Variants in CAMKV observed in about 807,000 individuals in gnomAD.
CAMKV encodes caM kinase-like vesicle-associated protein.
Under a neutral mutation model 50.2 loss-of-function variants are expected in CAMKV, and 5 were observed. The observed-to-expected ratio is 0.10, with a 90% CI of 0.05 to 0.21. The LOEUF (loss-of-function observed/expected upper bound fraction) is 0.21. Ranked by LOEUF, CAMKV falls within the 10% of genes least tolerant of loss-of-function variation. CAMKV has a pLI of 1.00. For missense variants in CAMKV, 361 were observed against 650.5 expected, an observed-to-expected ratio of 0.55 and a Z score of 4.84; for synonymous variants, 229 against 250.1, an observed-to-expected ratio of 0.92 and a Z score of 0.80.
At chr3:49,865,267 C>T (rs1027776170) in intron 1 of CAMKV, among the ~76,000 whole-genome samples, 2 of 152,152 alleles carry the variant, frequency 1.3e-5, no homozygotes, top group Admixed American at 6.5e-5. Context: ...TAGCCAGTTA[C>T]CATTGCCGGC....
chr3:49,865,173 G>A (rs1439075132), intron 1 of CAMKV, among the ~76,000 whole-genome samples: 1 of 152,246 alleles, frequency 6.6e-6, no homozygotes, highest in Non-Finnish European at 1.5e-5. Context: ...CTGCATGTCT[G>A]CCACCATGGG....
In CAMKV at chr3:49,861,823, C is replaced by A; in HGVS notation, c.270G>T (p.Val90=). The stretch of plus-strand genomic sequence containing the variant: ...GGAAGATAAAGTACTCCTTGCGGGT[C>A]ACAAACACATCCACCAGCTGTAGGA... ...PNILQLVDVF[V]TRKEYFIFLE... The change falls in exon 4 of 11, where the codon GTG becomes GTT. Residue 90 remains valine, a synonymous_variant. Coordinates refer to ENST00000477224, the MANE Select transcript of CAMKV (RefSeq NM_024046.5). The surrounding 1 kb of genome is among the most constrained non-coding windows in gnomAD (Gnocchi z 7.7). The A allele has an allele frequency of 6.2e-7, 1 of 1,613,906 alleles. No individual in the cohort carries two copies. The highest frequency in any genetic ancestry group is 1.1e-5 in the South Asian group (1 of 91,060).
In CAMKV at chr3:49,862,225, C is replaced by T. The variant is rs776964553; in HGVS notation, c.96-49G>A. On this transcript the variant is annotated intron_variant, in intron 2 of 10. Transcript: ENST00000477224. The surrounding 1 kb of genome is among the most constrained non-coding windows in gnomAD (Gnocchi z 5.2). ...AGGCCTGGCCTTAGCATCAGCTGCACTCCACTGCCACTTCCCTAGCCCCTG... is the reference window on the plus strand; with the variant it reads ...AGGCCTGGCCTTAGCATCAGCTGCATTCCACTGCCACTTCCCTAGCCCCTG... The T allele has an allele frequency of 1.2e-6, 2 of 1,614,022 alleles. No homozygotes were observed. Among genetic ancestry groups the T allele is most frequent in the Admixed American group, 3.3e-5 (2 of 60,002 alleles).
chr3:49,867,613 G>A (rs994023295), intron 1 of CAMKV, among the ~76,000 whole-genome samples: 1 of 152,192 alleles, frequency 6.6e-6, no homozygotes, highest in Non-Finnish European at 1.5e-5. Context: ...TTTAAAACAA[G>A]GGGAGGGGGA....
At position 49,861,427 on chromosome 3, in the gene CAMKV, C is replaced by G. The variant is rs1188424295; in HGVS notation, c.441+12G>C. 1 of 1,613,990 alleles carries G rather than the reference C, an allele frequency of 6.2e-7. No homozygotes were observed. Among genetic ancestry groups the G allele is most frequent in the Non-Finnish European group, 8.5e-7 (1 of 1,180,042 alleles). On this transcript the variant is annotated intron_variant, in intron 5 of 10. Transcript: ENST00000477224. The surrounding 1 kb of genome is among the most constrained non-coding windows in gnomAD (Gnocchi z 7.7). Reference sequence around the variant, plus strand: ...CTGCCAACTGGCCCTTTGACTCTGGCTCTGCCCTCACCTTGAGATTCCTGT... The same window carrying G: ...CTGCCAACTGGCCCTTTGACTCTGGGTCTGCCCTCACCTTGAGATTCCTGT...
At position 49,859,331 on chromosome 3, in the gene CAMKV, T is replaced by A. The variant is rs757078390; in HGVS notation, c.1493A>T (p.Glu498Val). Residue 498 changes from glutamate (E) to valine (V), a missense_variant, in exon 11 of 11, where the codon GAG becomes GTG. Coordinates refer to ENST00000477224, the MANE Select transcript of CAMKV (RefSeq NM_024046.5). This position sits in a 1 kb window ranked among gnomAD's most constrained non-coding sequence, Gnocchi z 5.5. ...CAGGCTGCCTACTCAGCTGGCCTCC[T>A]CCCTTTGAGACTCCTGGGCATAACC... ...AAGYAQESQR[E>V]EAS is the part of the protein sequence containing the mutation. 2.6e-6 allele frequency: 4 copies of A among 1,527,432 alleles called. No individual in the cohort carries two copies. In the South Asian group the frequency reaches 3.9e-5, roughly 15 times the overall value. The allele number at this position is 1,527,432 out of a possible 1,614,324, so 94.6% of individuals were successfully genotyped here. A position where few individuals can be genotyped will look rare whatever the true frequency, so the allele number is the denominator to read the frequency against.
chr3:49,862,258 G>C lies in CAMKV; in HGVS notation c.95+36C>G, dbSNP rs1219403003. ...CCACTTCCCTAGCCCCTGCTCACCA[G>C]CCCACCCAGCCTTGCCTGACAGGCC... On this transcript the variant is annotated intron_variant, in intron 2 of 10. Coordinates refer to ENST00000477224, the MANE Select transcript of CAMKV (RefSeq NM_024046.5). This position sits in a 1 kb window ranked among gnomAD's most constrained non-coding sequence, Gnocchi z 5.2. 1 of 1,613,944 alleles carries C rather than the reference G, an allele frequency of 6.2e-7. No homozygotes were observed. Among genetic ancestry groups the C allele is most frequent in the Non-Finnish European group, 8.5e-7 (1 of 1,179,970 alleles).
chr3:49,862,244 G>A lies in CAMKV; in HGVS notation c.95+50C>T. The stretch of plus-strand genomic sequence containing the variant: ...GCTGCACTCCACTGCCACTTCCCTA[G>A]CCCCTGCTCACCAGCCCACCCAGCC... On this transcript the variant is annotated intron_variant, in intron 2 of 10. Transcript: ENST00000477224. The surrounding 1 kb of genome is among the most constrained non-coding windows in gnomAD (Gnocchi z 5.2). The A allele has an allele frequency of 6.2e-7, 1 of 1,614,066 alleles. No homozygotes were observed. The highest frequency in any genetic ancestry group is 8.5e-7 in the Non-Finnish European group (1 of 1,179,982).
At position 49,862,499 on chromosome 3, in the gene CAMKV, G is replaced by A. The variant is rs2082030350; in HGVS notation, c.-14-97C>T. On this transcript the variant is annotated intron_variant, in intron 1 of 10. Transcript: ENST00000477224. The surrounding 1 kb of genome is among the most constrained non-coding windows in gnomAD (Gnocchi z 5.2). Reference sequence around the variant, plus strand: ...GAGACCCCAACCTGGCTCAGGCCAAGCTAGGGGCAGAGACCATACCAGGAG... The same window carrying A: ...GAGACCCCAACCTGGCTCAGGCCAAACTAGGGGCAGAGACCATACCAGGAG... 9.8e-7 allele frequency: 1 copy of A among 1,018,924 alleles called. No homozygotes were observed. Among genetic ancestry groups the A allele is most frequent in the East Asian group, 2.4e-5 (1 of 41,850 alleles). The allele number at this position is 1,018,924 out of a possible 1,614,324, so 63.1% of individuals were successfully genotyped here.
rs1250607256 is a variant in CAMKV, at chr3:49,862,242, T to TAGGGA, written c.95+51_95+52insTCCCT. ...CAGCTGCACTCCACTGCCACTTCCC[T>TAGGGA]AGCCCCTGCTCACCAGCCCACCCAG... On this transcript the variant is annotated intron_variant, in intron 2 of 10. Coordinates refer to ENST00000477224, the MANE Select transcript of CAMKV (RefSeq NM_024046.5). This position sits in a 1 kb window ranked among gnomAD's most constrained non-coding sequence, Gnocchi z 5.2. The TAGGGA allele has an allele frequency of 6.2e-7, 1 of 1,614,002 alleles. No individual in the cohort carries two copies. The highest frequency in any genetic ancestry group is 1.3e-5 in the African/African-American group (1 of 74,944).
chr3:49,868,958 G>T (rs1448849863), intron 1 of CAMKV, among the ~76,000 whole-genome samples: 1 of 152,164 alleles, frequency 6.6e-6, no homozygotes, highest in East Asian at 1.9e-4. Context: ...GGGCTCAAGA[G>T]CCCAGGGTCT....
chr3:49,861,127 C>A lies in CAMKV; in HGVS notation c.562+53G>T, dbSNP rs2082017034. ...CATTTTCCCCCTGCCCAGAGCAGCTCCCTGAAGGCTGCCCCCCATTATCCC... is the reference window on the plus strand; with the variant it reads ...CATTTTCCCCCTGCCCAGAGCAGCTACCTGAAGGCTGCCCCCCATTATCCC... On this transcript the variant is annotated intron_variant, in intron 6 of 10. Transcript: ENST00000477224. The surrounding 1 kb of genome is among the most constrained non-coding windows in gnomAD (Gnocchi z 7.7). 3 of 1,586,982 alleles carry A rather than the reference C, an allele frequency of 1.9e-6. No homozygotes were observed. Among genetic ancestry groups the A allele is most frequent in the South Asian group, 1.1e-5 (1 of 88,040 alleles).
chr3:49,868,756 G>A (rs114126056), intron 1 of CAMKV, among the ~76,000 whole-genome samples: 2,048 of 152,290 alleles, frequency 0.013, 45 homozygotes, highest in African/African-American at 0.045. Flanking sequence ...GGTCTCTAAA[G>A]GTAGTCCTGG....
In CAMKV at chr3:49,869,599, C is replaced by T. The variant is rs548408406; in HGVS notation, c.-15+159G>A. Among the ~76,000 whole-genome samples the T allele has an allele frequency of 2.5e-4, 38 of 152,320 alleles. No homozygotes were observed. The highest frequency in any genetic ancestry group is 8.9e-4 in the African/African-American group (37 of 41,588). On this transcript the variant is annotated intron_variant, in intron 1 of 10. Coordinates refer to ENST00000477224, the MANE Select transcript of CAMKV (RefSeq NM_024046.5). The surrounding 1 kb of genome is among the most constrained non-coding windows in gnomAD (Gnocchi z 5.2). Reference sequence around the variant, plus strand: ...TTAGCCCGACCCCGCACTCCCTCCCCCAAATCTGCAAAGCCCGCGCGCTCT... The same window carrying T: ...TTAGCCCGACCCCGCACTCCCTCCCTCAAATCTGCAAAGCCCGCGCGCTCT...
In CAMKV at chr3:49,859,556, T is replaced by C. The variant is rs143724249; in HGVS notation, c.1268A>G (p.Asp423Gly). ...ATDGSVTPAT[D>G]RSATPATDGR... Reference sequence around the variant, plus strand: ...ATCAGTGGCTGGAGTAGCGCTCCTGTCAGTGGCTGGGGTGACACTCCCATC... The same window carrying C: ...ATCAGTGGCTGGAGTAGCGCTCCTGCCAGTGGCTGGGGTGACACTCCCATC... The change falls in exon 11 of 11, where the codon GAC becomes GGC. Residue 423 changes from aspartate (D) to glycine (G), a missense_variant. Physicochemically the swap from Asp to Gly is moderately conservative, Grantham distance 94 (BLOSUM62 -1). Coordinates refer to ENST00000477224, the MANE Select transcript of CAMKV (RefSeq NM_024046.5). This position sits in a 1 kb window ranked among gnomAD's most constrained non-coding sequence, Gnocchi z 5.5. 6.2e-5 allele frequency: 100 copies of C among 1,614,006 alleles called. No homozygotes were observed. The highest frequency in any genetic ancestry group is 8.1e-5 in the Non-Finnish European group (96 of 1,180,012).
chr3:49,863,034 T>C (rs543394574), intron 1 of CAMKV, among the ~76,000 whole-genome samples: 5 of 152,242 alleles, frequency 3.3e-5, no homozygotes, highest in Non-Finnish European at 7.3e-5. Flanking sequence ...ACAGGATGTA[T>C]TGTGGTAGAG....
At chr3:49,865,892 C>T (rs1049247171) in intron 1 of CAMKV, among the ~76,000 whole-genome samples, 1 of 152,264 alleles carries the variant, frequency 6.6e-6, no homozygotes, top group African/African-American at 2.4e-5. Flanking sequence ...GTCCTTGATC[C>T]TGGCCCCAGC....
Position 49,859,615 on chromosome 3 carries a change from G to A in CAMKV, c.1209C>T (p.Thr403=). 6.2e-7 allele frequency: 1 copy of A among 1,614,026 alleles called. No homozygotes were observed. The highest frequency in any genetic ancestry group is 8.5e-7 in the Non-Finnish European group (1 of 1,179,958). The change falls in exon 11 of 11, where the codon ACC becomes ACT. Residue 403 remains threonine (T), a synonymous_variant. Transcript: ENST00000477224. The surrounding 1 kb of genome is among the most constrained non-coding windows in gnomAD (Gnocchi z 5.5). ...GAGTGATGCTTCCATCGGTGGCTGGGGTGACACTGCCATCAGTGGCTGGGG... is the reference window on the plus strand; with the variant it reads ...GAGTGATGCTTCCATCGGTGGCTGGAGTGACACTGCCATCAGTGGCTGGGG... The part of the protein sequence containing the change: ...SATPATDGSV[T]PATDGSITPA...
chr3:49,861,220 A>G lies in CAMKV; in HGVS notation c.522T>C (p.Asn174=). 1 of 1,605,718 alleles carries G rather than the reference A, an allele frequency of 6.2e-7. No homozygotes were observed. Among genetic ancestry groups the G allele is most frequent in the Non-Finnish European group, 8.5e-7 (1 of 1,176,500 alleles). ...ISDFHLAKLE[N]GLIKEPCGTP... ...TCCCACAGGGCTCCTTGATGAGGCC[A>G]TTTTCTAGCTTAGCCAGATGGAAGT... Residue 174 remains asparagine (N), a synonymous_variant, in exon 6 of 11, where the codon AAT becomes AAC. Transcript: ENST00000477224. This position sits in a 1 kb window ranked among gnomAD's most constrained non-coding sequence, Gnocchi z 7.7.
Sources: allele counts gnomAD v4.1 joint callset (sites outside exome capture counted in the v4.1 genomes callset), GRCh38; gene constraint gnomAD v4.1.1; non-coding constraint Gnocchi (gnomAD v3.1); transcripts MANE v1.5; gene names NCBI Gene and HGNC (gene_info 2026-07-23, HGNC 2026-07-21).